Variants in NOS1 observed in about 807,000 individuals in gnomAD.
NOS1 encodes the protein NOS type I.
Under a neutral mutation model 164.5 loss-of-function variants are expected in NOS1, and 51 were observed. The observed-to-expected ratio is 0.31, with a 90% CI of 0.25 to 0.39. The LOEUF is 0.39. NOS1 is among the 10% of genes least tolerant of loss of function. NOS1 has a pLI of 1.00. For synonymous variants in NOS1, 719 were observed against 745.8 expected, an observed-to-expected ratio of 0.96 and a Z score of 0.59; for missense variants, 1,362 against 1,885.6, an observed-to-expected ratio of 0.72 and a Z score of 5.14.
intron 28 of NOS1, among the ~76,000 whole-genome samples, chr12:117,216,916 T>G (rs1956620418): frequency 6.6e-6 from 1 of 151,804 alleles, no homozygotes; most frequent in Non-Finnish European, 1.5e-5. Flanking sequence ...AAGAAATGAG[T>G]GTATGCCTTG....
chr12:117,233,337 C>T (rs1450478132), intron 21 of NOS1, among the ~76,000 whole-genome samples: 1 of 151,870 alleles, frequency 6.6e-6, no homozygotes, highest in Non-Finnish European at 1.5e-5. Flanking sequence ...GAGTGAGCAA[C>T]CATGCCCGGC....
chr12:117,296,198 T>G (rs556919762), intron 3 of NOS1, among the ~76,000 whole-genome samples: 96 of 152,336 alleles, frequency 6.3e-4, no homozygotes, highest in South Asian at 4.1e-3. Context: ...ACAGTATATG[T>G]TCAATAAACA....
chr12:117,318,806 T>C (rs1019381188), intron 2 of NOS1, among the ~76,000 whole-genome samples: 3 of 152,204 alleles, frequency 2.0e-5, no homozygotes, highest in African/African-American at 7.2e-5. Flanking sequence ...GAGGAGCAGC[T>C]GGTGCTGGCA....
At chr12:117,323,488 A>G (rs923637961) in intron 2 of NOS1, among the ~76,000 whole-genome samples, 1 of 152,210 alleles carries the variant, frequency 6.6e-6, no homozygotes, top group Non-Finnish European at 1.5e-5. Context: ...GCTACTTGCT[A>G]GCTGTGTGAT....
chr12:117,236,865 G>A (rs77934486), intron 20 of NOS1, among the ~76,000 whole-genome samples: 18 of 152,354 alleles, frequency 1.2e-4, no homozygotes, highest in African/African-American at 4.3e-4. Context: ...GGCAGAGGGT[G>A]GCCGTGCAGA....
intron 1 of NOS1, among the ~76,000 whole-genome samples, chr12:117,349,070 T>C (rs1306861774): frequency 6.6e-6 from 1 of 152,268 alleles, no homozygotes; most frequent in Non-Finnish European, 1.5e-5. Flanking sequence ...CTAAAATTAC[T>C]TCAAAATAAA....
intron 1 of NOS1, among the ~76,000 whole-genome samples, chr12:117,335,019 C>A (rs968612054): frequency 6.6e-6 from 1 of 152,156 alleles, no homozygotes; most frequent in African/African-American, 2.4e-5. Context: ...AAAATGCGGT[C>A]ATTTGTAATC....
At chr12:117,311,902 T>C (rs961090403) in intron 2 of NOS1, among the ~76,000 whole-genome samples, 9 of 152,182 alleles carry the variant, frequency 5.9e-5, no homozygotes, top group African/African-American at 2.2e-4. Context: ...CTCTCCCTTC[T>C]TCATTCCATG....
intron 1 of NOS1, among the ~76,000 whole-genome samples, chr12:117,352,368 G>A (rs898858540): frequency 6.6e-6 from 1 of 152,090 alleles, no homozygotes; most frequent in Non-Finnish European, 1.5e-5. Flanking sequence ...ATTCAGGCAC[G>A]CCTGGGCTAT....
At chr12:117,231,070 T>TA (rs1426589256) in intron 22 of NOS1, among the ~76,000 whole-genome samples, 1 of 152,120 alleles carries the variant, frequency 6.6e-6, no homozygotes, top group Non-Finnish European at 1.5e-5. Context: ...CTCATGCCTG[T>TA]AATCCCAGCA....
chr12:117,291,998 A>C (rs1873095955), intron 3 of NOS1, among the ~76,000 whole-genome samples: 1 of 152,168 alleles, frequency 6.6e-6, no homozygotes, highest in Non-Finnish European at 1.5e-5. Flanking sequence ...AAGATGAGCC[A>C]ATGTTAAGTG....
chr12:117,317,132 C>T (rs1279683010), intron 2 of NOS1, among the ~76,000 whole-genome samples: 3 of 152,100 alleles, frequency 2.0e-5, no homozygotes, highest in South Asian at 4.2e-4. Context: ...CTATCCGCCT[C>T]GGCCTCCCAA....
chr12:117,260,757 G>A, intron 13 of NOS1, 148 bp from the exon 14 acceptor site: 1 of 681,930 alleles, frequency 1.5e-6, no homozygotes, highest in African/African-American at 1.8e-5. Flanking sequence ...GGTTTCCTCA[G>A]AGGCACTTGA....
chr12:117,341,152 G>A (rs974166626), intron 1 of NOS1, among the ~76,000 whole-genome samples: 3 of 152,104 alleles, frequency 2.0e-5, no homozygotes, highest in Non-Finnish European at 4.4e-5. Flanking sequence ...TTGAGCATCC[G>A]TAGTGTCTGG....
In NOS1 at chr12:117,272,422, C is replaced by T; in HGVS notation, c.1802G>A (p.Arg601His). Reference protein sequence around the residue: ...GWYMGTEIGVRDYCDNSRYNI... With the variant: ...GWYMGTEIGVHDYCDNSRYNI... ...GTAGCGGGAGTTGTCACAGTAGTCG[C>T]GGACACCAATCTCTGTGCCCATGTA... is the stretch of plus-strand genomic sequence containing the variant. Residue 601 changes from arginine to histidine, a missense_variant, in exon 10 of 29, where the codon CGC becomes CAC. Arg to His is a conservative substitution (Grantham distance 29, BLOSUM62 0). Coordinates refer to ENST00000317775, the MANE Select transcript of NOS1 (RefSeq NM_000620.5). The surrounding 1 kb of genome is among the most constrained non-coding windows in gnomAD (Gnocchi z 4.3). The T allele has an allele frequency of 6.2e-7, 1 of 1,614,120 alleles. No individual in the cohort carries two copies. The highest frequency in any genetic ancestry group is 8.5e-7 in the Non-Finnish European group (1 of 1,180,012).
intron 13 of NOS1, 86 bp downstream of exon 13, chr12:117,263,803 G>A: frequency 1.0e-6 from 1 of 972,054 alleles, no homozygotes; most frequent in South Asian, 1.3e-5. Context: ...GAGGTCAGAG[G>A]GCACAGGAGT....
At chr12:117,260,135 A>G (rs1273232479) in intron 14 of NOS1, among the ~76,000 whole-genome samples, 1 of 135,772 alleles carries the variant, frequency 7.4e-6, no homozygotes, top group Admixed American at 7.0e-5. Flanking sequence ...AAAAAAAAAC[A>G]AAAAACAAAA....
intron 28 of NOS1, among the ~76,000 whole-genome samples, chr12:117,215,655 A>G (rs538558707): frequency 4.0e-5 from 6 of 150,364 alleles, no homozygotes; most frequent in Admixed American, 1.3e-4. Context: ...CTGGTCTCAA[A>G]CTCCTGACCT....
At position 117,212,760 on chromosome 12, in the gene NOS1, C is replaced by T; in HGVS notation, c.*2549G>A. ...TTGGCTACGAGGCCTGGATGAAAAGCCACCACGAGAGGGCAGTATTTCCCC... is the reference window on the plus strand; with the variant it reads ...TTGGCTACGAGGCCTGGATGAAAAGTCACCACGAGAGGGCAGTATTTCCCC... On this transcript the variant is annotated 3_prime_UTR_variant, in exon 29 of 29. Coordinates refer to ENST00000317775, the MANE Select transcript of NOS1 (RefSeq NM_000620.5). The T allele has an allele frequency of 1.0e-6, 1 of 985,432 alleles. No individual in the cohort carries two copies. Among genetic ancestry groups the T allele is most frequent in the East Asian group, 1.1e-4 (1 of 8,818 alleles). 61.0% of individuals were successfully genotyped at this position (985,432 alleles called of 1,614,324 possible).
Sources: gnomAD v4.1 joint callset for allele counts (sites outside exome capture counted in the v4.1 genomes callset) on GRCh38, gnomAD v4.1.1 for gene constraint, Gnocchi (gnomAD v3.1) non-coding constraint, MANE v1.5 for transcripts, NCBI Gene and HGNC (gene_info 2026-07-23, HGNC 2026-07-21) for gene names.